C12orf42: variants seen among roughly 807,000 people sequenced by gnomAD.
C12orf42 encodes uncharacterized protein C12orf42.
C12orf42 carries 25 observed loss-of-function variants against 21.6 expected under a neutral mutation model. The ratio of observed to expected loss-of-function variants is 1.16; its 90% CI spans 0.84 to 1.62. C12orf42 has a LOEUF of 1.62. Among genes scored for constraint, C12orf42 ranks in the 40% most tolerant of loss-of-function variants. The pLI is 0.00. For synonymous variants in C12orf42, 174 were observed against 175.0 expected (o/e 0.99, Z 0.05); for missense variants, 483 against 459.3 (o/e 1.05, Z -0.47).
At chr12:103,527,762 A>G in the C12orf42 span, among the ~76,000 whole-genome samples, 6 of 152,204 alleles carry the variant, frequency 3.9e-5, no homozygotes, top group Non-Finnish European at 1.5e-5. Context: ...CCCCTCCTCA[A>G]GAGAGACCAC....
At chr12:103,483,198 T>C (rs1443599188) in intron 1 of C12orf42, among the ~76,000 whole-genome samples, 3 of 152,118 alleles carry the variant, frequency 2.0e-5, no homozygotes, top group Non-Finnish European at 2.9e-5. Context: ...GAGTGAACTC[T>C]AATGTGAACT....
intron 2 of C12orf42, among the ~76,000 whole-genome samples, chr12:103,429,269 A>G (rs1157917959): frequency 2.0e-5 from 3 of 152,244 alleles, no homozygotes; most frequent in Non-Finnish European, 4.4e-5. Flanking sequence ...ACTTCAGCAA[A>G]GTCTCAGGAT....
the C12orf42 span, among the ~76,000 whole-genome samples, chr12:103,196,093 C>T: frequency 6.6e-6 from 1 of 152,104 alleles, no homozygotes; most frequent in African/African-American, 2.4e-5. Context: ...CCTTTTAACA[C>T]TGTGTTAGCA....
At chr12:103,070,287 T>C in the C12orf42 span, among the ~76,000 whole-genome samples, 93 of 152,266 alleles carry the variant, frequency 6.1e-4, 1 homozygote, top group African/African-American at 2.1e-3. Context: ...TTTGTGTTTG[T>C]ATCCCTATGA....
chr12:103,349,585 CT>C (rs770344973), intron 4 of C12orf42, among the ~76,000 whole-genome samples: 2 of 151,806 alleles, frequency 1.3e-5, no homozygotes, highest in African/African-American at 2.4e-5. Context: ...CTTTTCATCT[CT>C]TTTTTTTCAT....
At chr12:103,458,081 A>G (rs1952435453) in intron 2 of C12orf42, among the ~76,000 whole-genome samples, 1 of 152,198 alleles carries the variant, frequency 6.6e-6, no homozygotes, top group Non-Finnish European at 1.5e-5. Context: ...ACATATCTAG[A>G]CAGGGCAATT....
At chr12:103,203,780 T>C in the C12orf42 span, among the ~76,000 whole-genome samples, 572 of 152,250 alleles carry the variant, frequency 3.8e-3, 6 homozygotes, top group South Asian at 0.033. Context: ...TCAGAGACTC[T>C]CAACTTTGGG....
the C12orf42 span, among the ~76,000 whole-genome samples, chr12:103,196,110 CA>C: frequency 6.6e-6 from 1 of 152,030 alleles, no homozygotes; most frequent in Non-Finnish European, 1.5e-5. Flanking sequence ...AGCAGTATCC[CA>C]AATGTTTTGT....
intron 10 of C12orf42, among the ~76,000 whole-genome samples, chr12:103,256,171 C>CAT (rs1236008334): frequency 1.1e-4 from 13 of 121,052 alleles, no homozygotes; most frequent in African/African-American, 3.6e-4. Flanking sequence ...TATATATACA[C>CAT]ATATATATAC....
chr12:103,106,166 C>A, the C12orf42 span, among the ~76,000 whole-genome samples: 4 of 151,772 alleles, frequency 2.6e-5, no homozygotes, highest in East Asian at 1.9e-4. Flanking sequence ...GACTTTCAGG[C>A]AACAAAAATA....
intron 4 of C12orf42, among the ~76,000 whole-genome samples, chr12:103,344,503 G>T (rs1271895244): frequency 6.6e-6 from 1 of 152,116 alleles, no homozygotes; most frequent in East Asian, 1.9e-4. Context: ...TGACATGTCA[G>T]CCCCTACTTT....
chr12:103,553,161 C>A, the C12orf42 span, among the ~76,000 whole-genome samples: 1 of 152,096 alleles, frequency 6.6e-6, no homozygotes, highest in Non-Finnish European at 1.5e-5. Context: ...TAGCCTCCAT[C>A]CACTAGATGC....
chr12:103,489,662 C>T (rs1157288187), intron 1 of C12orf42, among the ~76,000 whole-genome samples: 5 of 152,310 alleles, frequency 3.3e-5, no homozygotes, highest in African/African-American at 9.6e-5. Flanking sequence ...CAATGGCAGA[C>T]GCCCCTCCCC....
chr12:103,283,216 G>A (rs1383158873), intron 4 of C12orf42, among the ~76,000 whole-genome samples: 1 of 152,130 alleles, frequency 6.6e-6, no homozygotes, highest in Non-Finnish European at 1.5e-5. Context: ...TACCACGTAG[G>A]CATGGAGTAA....
At chr12:103,108,094 C>T in the C12orf42 span, among the ~76,000 whole-genome samples, 2 of 151,048 alleles carry the variant, frequency 1.3e-5, no homozygotes, top group African/African-American at 2.4e-5. Flanking sequence ...CAAACACCAC[C>T]TGTTCCCCAA....
the C12orf42 span, chr12:103,557,294 G>C: frequency 1.3e-5 from 2 of 152,166 alleles, no homozygotes; most frequent in African/African-American, 4.8e-5. Context: ...AAAAAGCTCA[G>C]AAATTAATTT....
At chr12:103,432,436 C>T (rs112462913) in intron 2 of C12orf42, among the ~76,000 whole-genome samples, 380 of 152,286 alleles carry the variant, frequency 2.5e-3, no homozygotes, top group Admixed American at 4.3e-3. Flanking sequence ...TCCTGCCCTG[C>T]GCATATCTGA....
At chr12:103,501,642 C>A in the C12orf42 span, among the ~76,000 whole-genome samples, 1 of 152,114 alleles carries the variant, frequency 6.6e-6, no homozygotes. Context: ...GTGTACATTG[C>A]GCAACTCTAG....
chr12:103,524,974 AG>A, the C12orf42 span, among the ~76,000 whole-genome samples: 1 of 11,342 alleles, frequency 8.8e-5, no homozygotes, highest in Non-Finnish European at 2.0e-4. Context: ...GGGGGGGGGC[AG>A]GGGGGCAGGT....
Sources: gnomAD v4.1 joint callset for allele counts (sites outside exome capture counted in the v4.1 genomes callset) on GRCh38, gnomAD v4.1.1 for gene constraint, MANE v1.5 for transcripts, NCBI Gene and HGNC (gene_info 2026-07-23, HGNC 2026-07-21) for gene names.